The following AXIN1 variants were observed in gnomAD, a reference collection of about 807,000 sequenced individuals.
AXIN1 encodes the protein axin-1.
A neutral mutation model predicts 76.4 loss-of-function variants in AXIN1; 30 were observed. That is an observed-to-expected ratio of 0.39 (90% CI 0.29 to 0.53). The LOEUF (loss-of-function observed/expected upper bound fraction) is 0.53, where lower values mean the gene tolerates loss of function less well. AXIN1 is among the 20% of genes least tolerant of loss of function. AXIN1 has a pLI of 0.66. For synonymous variants in AXIN1, 545 were observed against 501.4 expected, an observed-to-expected ratio of 1.09 and a Z score of -1.16; for missense variants, 1,140 against 1,198.8, an observed-to-expected ratio of 0.95 and a Z score of 0.72.
intron 2 of AXIN1, among the ~76,000 whole-genome samples, chr16:337,629 C>T (rs972811074): frequency 2.6e-5 from 4 of 152,338 alleles, no homozygotes; most frequent in African/African-American, 9.6e-5. Context: ...GACACCCGGA[C>T]GCCCAGCTAC....
intron 2 of AXIN1, among the ~76,000 whole-genome samples, chr16:316,565 C>T (rs933228650): frequency 5.9e-5 from 9 of 152,210 alleles, no homozygotes; most frequent in African/African-American, 1.7e-4. Context: ...CAGTTACTTG[C>T]GTTCAGCCAA....
At chr16:296,426 G>C (rs1596991902) in intron 7 of AXIN1, among the ~76,000 whole-genome samples, 1 of 152,370 alleles carries the variant, frequency 6.6e-6, no homozygotes, top group Admixed American at 6.5e-5. Flanking sequence ...ACAGGAAGGT[G>C]GGGGGTACCA....
At chr16:321,076 C>T (rs897470723) in intron 2 of AXIN1, among the ~76,000 whole-genome samples, 3 of 152,158 alleles carry the variant, frequency 2.0e-5, no homozygotes, top group South Asian at 2.1e-4. Flanking sequence ...CCTGGTGTGA[C>T]GGATGCCACC....
chr16:324,223 G>C (rs1056839202), intron 2 of AXIN1, among the ~76,000 whole-genome samples: 2 of 152,196 alleles, frequency 1.3e-5, no homozygotes, highest in African/African-American at 2.4e-5. Flanking sequence ...GCCACATTAC[G>C]GGTCGGCACT....
chr16:308,698 A>G (rs1329955544), intron 4 of AXIN1, among the ~76,000 whole-genome samples: 3 of 152,176 alleles, frequency 2.0e-5, no homozygotes, highest in African/African-American at 7.2e-5. Flanking sequence ...GCCTTGGGCC[A>G]TGCCTGGCAG....
intron 7 of AXIN1, 80 bp downstream of exon 7, chr16:296,976 A>C: frequency 6.6e-7 from 1 of 1,506,226 alleles, no homozygotes; most frequent in Non-Finnish European, 9.1e-7. Context: ...CACACACTGA[A>C]GCTGCACACA....
intron 5 of AXIN1, among the ~76,000 whole-genome samples, chr16:301,978 A>G (rs2052886168): frequency 6.6e-6 from 1 of 152,204 alleles, no homozygotes; most frequent in South Asian, 2.1e-4. Flanking sequence ...GGACATGTCC[A>G]TATTCTTGGT....
At position 297,712 on chromosome 16, in the gene AXIN1, G is replaced by T. The variant is rs369714853; in HGVS notation, c.1784+10C>A. The T allele has an allele frequency of 3.1e-6, 5 of 1,592,222 alleles. No homozygotes were observed. The highest frequency in any genetic ancestry group is 4.3e-6 in the Non-Finnish European group (5 of 1,174,146). On this transcript the variant is annotated intron_variant, in intron 6 of 10. Transcript: ENST00000262320. ...CCAAGCCCCCTCCTCACTGACAGGC[G>T]CACGCTCACCTGTGGGCGAGGCCAT...
At position 294,789 on chromosome 16, in the gene AXIN1, G is replaced by A. The variant is rs565118354; in HGVS notation, c.1956-1071C>T. On this transcript the variant is annotated intron_variant, in intron 7 of 10. Transcript: ENST00000262320. ...AAAAAAAAAAAAAAAAAGGCCAGGC[G>A]CGGTGGCTCACGCCTGTAATCCCAG... Among the ~76,000 whole-genome samples, 578 of 144,596 alleles carry A rather than the reference G, an allele frequency of 4.0e-3. 2 individuals are homozygous for A. Among genetic ancestry groups the A allele is most frequent in the African/African-American group, 0.013 (516 of 39,224 alleles). The allele number at this position is 144,596 out of a possible 152,430, so 94.9% of individuals were successfully genotyped here. A position where few individuals can be genotyped will look rare whatever the true frequency, so the allele number is the denominator to read the frequency against.
intron 2 of AXIN1, among the ~76,000 whole-genome samples, chr16:327,249 A>G (rs1176496588): frequency 2.6e-5 from 4 of 152,112 alleles, no homozygotes; most frequent in Non-Finnish European, 4.4e-5. Flanking sequence ...CCTCAGGGGC[A>G]GGAACAGGTG....
intron 2 of AXIN1, among the ~76,000 whole-genome samples, chr16:337,134 A>T (rs2053821737): frequency 7.7e-6 from 1 of 129,700 alleles, no homozygotes; most frequent in Admixed American, 8.3e-5. Flanking sequence ...TGGGTGACAG[A>T]GCAAGACCCC....
chr16:321,095 G>C (rs1243367885), intron 2 of AXIN1, among the ~76,000 whole-genome samples: 2 of 152,100 alleles, frequency 1.3e-5, no homozygotes, highest in African/African-American at 4.8e-5. Context: ...CCCAGAACAT[G>C]GGAAGAGGAG....
intron 2 of AXIN1, among the ~76,000 whole-genome samples, chr16:327,329 G>T (rs1424274325): frequency 6.6e-6 from 1 of 152,154 alleles, no homozygotes; most frequent in Non-Finnish European, 1.5e-5. Flanking sequence ...CACACTGAAT[G>T]AGCAGGTGAT....
rs994653771 is a variant in AXIN1 at position 297,192 on chromosome 16, T to G, written c.1819A>C (p.Lys607Gln). 1 of 1,609,800 alleles carries G rather than the reference T, an allele frequency of 6.2e-7. No individual in the cohort carries two copies. Among genetic ancestry groups the G allele is most frequent in the Non-Finnish European group, 8.5e-7 (1 of 1,179,952 alleles). The part of the protein sequence containing the change: ...KVGVACKRNA[K>Q]KAESGKSAST... ...GCGCTCTTCCCCGACTCAGCCTTCT[T>G]GGCATTTCTTTTGCACGCCACGCCC... The change falls in exon 7 of 11, where the codon AAG (lysine) becomes CAG (glutamine). Residue 607 changes from lysine (K) to glutamine (Q), a missense_variant. By Grantham distance (53) the Lys-to-Gln change is moderately conservative (BLOSUM62 1). Around this residue, in one of 3 missense-constraint regions of AXIN1, gnomAD observed 429 missense variants for 405.8 expected, o/e 1.06. Transcript: ENST00000262320.
At position 346,714 on chromosome 16, in the gene AXIN1, A is replaced by G. The variant is rs555209881; in HGVS notation, c.312T>C (p.Thr104=). Residue 104 remains threonine (T), a synonymous_variant, in exon 2 of 11, where the codon ACT becomes ACC. Transcript: ENST00000262320. ...CGGCACAGCCCTCCTGCTTCAGGAA[A>G]GTCCTGAACAGGCTTATCCCATCTT... ...DDQDGISLFR[T]FLKQEGCADL... is the part of the protein sequence containing the mutation. The G allele has an allele frequency of 2.5e-6, 4 of 1,576,262 alleles. No homozygotes were observed. Among genetic ancestry groups the G allele is most frequent in the Non-Finnish European group, 3.4e-6 (4 of 1,160,552 alleles).
chr16:289,617 G>T lies in AXIN1; in HGVS notation c.2295-10C>A. 6.2e-7 allele frequency: 1 copy of T among 1,612,512 alleles called. No homozygotes were observed. Among genetic ancestry groups the T allele is most frequent in the Non-Finnish European group, 8.5e-7 (1 of 1,179,866 alleles). The stretch of plus-strand genomic sequence containing the variant: ...CCTCTGCGATCTTGTCCTGGGGAAA[G>T]AGATGCAGCGGTGGTACCTGGTTTT... On this transcript the variant is annotated splice_polypyrimidine_tract_variant and intron_variant, in intron 9 of 10. Coordinates refer to ENST00000262320, the MANE Select transcript of AXIN1 (RefSeq NM_003502.4).
intron 10 of AXIN1, among the ~76,000 whole-genome samples, chr16:288,981 G>C (rs529198688): frequency 6.6e-6 from 1 of 152,358 alleles, no homozygotes; most frequent in African/African-American, 2.4e-5. Context: ...TCAGTCCTGT[G>C]GGGCCGAAAG....
chr16:314,364 G>A (rs976927838), intron 3 of AXIN1, among the ~76,000 whole-genome samples, 179 bp downstream of exon 3: 2 of 152,222 alleles, frequency 1.3e-5, no homozygotes, highest in Admixed American at 6.5e-5. Flanking sequence ...GGGTCAGCAC[G>A]AAGCCCCCTC....
chr16:337,053 GGGA>G (rs1240732632), intron 2 of AXIN1, among the ~76,000 whole-genome samples: 1 of 149,460 alleles, frequency 6.7e-6, no homozygotes, highest in East Asian at 2.0e-4. Flanking sequence ...GGGAGGCTGA[GGGA>G]GGAGGAGCTC....
Sources: allele counts gnomAD v4.1 joint callset (sites outside exome capture counted in the v4.1 genomes callset), GRCh38; gene constraint gnomAD v4.1.1; regional missense constraint gnomAD v4.1.1; transcripts MANE v1.5; gene names NCBI Gene and HGNC (gene_info 2026-07-23, HGNC 2026-07-21).